The following ALG6 variants were observed in gnomAD, a reference collection of about 807,000 sequenced individuals.
The protein encoded by ALG6 is ALG6 alpha-1,3-glucosyltransferase, also known as dolichyl pyrophosphate Man9GlcNAc2 alpha-1,3-glucosyltransferase.
Under a neutral mutation model 66.6 loss-of-function variants are expected in ALG6, and 46 were observed. That is an observed-to-expected ratio of 0.69 (90% CI 0.55 to 0.88). The LOEUF (loss-of-function observed/expected upper bound fraction) is 0.88. ALG6 is among the 40% of genes least tolerant of loss of function. ALG6 has a pLI of 0.00. For missense variants in ALG6, 505 were observed against 586.8 expected (o/e 0.86, Z 1.44); for synonymous variants, 185 against 203.7 (o/e 0.91, Z 0.78).
At chr1:63,404,571 A>G (rs184889901) in intron 5 of ALG6, 30 bp downstream of exon 5, 1 of 1,603,658 alleles carries the variant, frequency 6.2e-7, no homozygotes, top group Admixed American at 1.7e-5. Context: ...TGAATATAAA[A>G]TTTGATTTTT....
intron 7 of ALG6, among the ~76,000 whole-genome samples, chr1:63,410,101 G>C (rs751471072): frequency 6.6e-5 from 10 of 152,018 alleles, no homozygotes; most frequent in Non-Finnish European, 1.3e-4. Context: ...GGGTGGATTG[G>C]CTTTTTGCTA....
chr1:63,405,887 T>G (rs955576017), intron 5 of ALG6, among the ~76,000 whole-genome samples: 4 of 152,026 alleles, frequency 2.6e-5, no homozygotes, highest in Admixed American at 6.6e-5. Flanking sequence ...GCTCTTTATA[T>G]GCATTAATTA....
rs550064444 is a variant in ALG6, at chr1:63,407,187, G to T, written c.494+61G>T. 1.5e-4 allele frequency: 177 copies of T among 1,189,630 alleles called. No individual in the cohort carries two copies. In the African/African-American group the frequency reaches 2.3e-3, roughly 15 times the overall value. The allele number at this position is 1,189,630 out of a possible 1,614,324, so 73.7% of individuals were successfully genotyped here. ...ATATTGTGAAATCTAGACTCAATGTGTACATTGCTGTCATCTAGTAATGTC... is the reference window on the plus strand; with the variant it reads ...ATATTGTGAAATCTAGACTCAATGTTTACATTGCTGTCATCTAGTAATGTC... On this transcript the variant is annotated intron_variant, in intron 7 of 14. Coordinates refer to ENST00000263440, the MANE Select transcript of ALG6 (RefSeq NM_013339.4).
intron 1 of ALG6, among the ~76,000 whole-genome samples, chr1:63,368,806 T>C (rs546545900): frequency 1.3e-5 from 2 of 152,300 alleles, no homozygotes; most frequent in Admixed American, 1.3e-4. Flanking sequence ...CAGCCCCTTT[T>C]ATGCTTTTTA....
chr1:63,432,672 A>G (rs1644652692), intron 14 of ALG6, among the ~76,000 whole-genome samples: 1 of 152,258 alleles, frequency 6.6e-6, no homozygotes, highest in African/African-American at 2.4e-5. Flanking sequence ...TATTATAATG[A>G]AAAATTAGAG....
intron 7 of ALG6, among the ~76,000 whole-genome samples, chr1:63,408,801 C>T (rs905787045): frequency 1.4e-4 from 22 of 152,094 alleles, no homozygotes; most frequent in African/African-American, 4.6e-4. Context: ...GACGGAGTTT[C>T]GGAGTTTCGC....
intron 2 of ALG6, among the ~76,000 whole-genome samples, chr1:63,383,288 A>AT (rs1175361247): frequency 2.7e-5 from 4 of 147,882 alleles, no homozygotes; most frequent in African/African-American, 7.6e-5. Flanking sequence ...TGCCTAGCTA[A>AT]TTTTTTTTGT....
chr1:63,426,692 C>T (rs1046639647), intron 12 of ALG6, among the ~76,000 whole-genome samples: 2 of 151,740 alleles, frequency 1.3e-5, no homozygotes, highest in Admixed American at 1.3e-4. Context: ...CCCAGGCGTG[C>T]GTCACCATGC....
Position 63,388,007 on chromosome 1 carries a change from A to T in ALG6, c.83-8506A>T, listed in dbSNP as rs552053732. 1.1e-3 allele frequency among the ~76,000 whole-genome samples: 164 copies of T among 152,252 alleles called. 1 individual carries two copies. The highest frequency in any genetic ancestry group is 2.2e-4 in the Non-Finnish European group (15 of 68,020). On this transcript the variant is annotated intron_variant, in intron 2 of 14. Transcript: ENST00000263440. ...ATGAAGTATGTTTCTTGTAGGCAAC[A>T]GACTGTTCAAGCGATTCTCTTGCCT...
chr1:63,401,427 A>C (rs1644464436), intron 3 of ALG6, among the ~76,000 whole-genome samples: 2 of 152,114 alleles, frequency 1.3e-5, no homozygotes, highest in South Asian at 4.1e-4. Flanking sequence ...GCACTTTGGG[A>C]GGCCGAGGAG....
chr1:63,400,480 C>G (rs1054397239), intron 3 of ALG6, among the ~76,000 whole-genome samples: 5 of 149,856 alleles, frequency 3.3e-5, no homozygotes, highest in African/African-American at 1.2e-4. Context: ...TCTTATGCCT[C>G]TTTGTTCTGC....
intron 12 of ALG6, among the ~76,000 whole-genome samples, chr1:63,422,682 A>C (rs970672969): frequency 6.6e-6 from 1 of 151,676 alleles, no homozygotes; most frequent in Non-Finnish European, 1.5e-5. Context: ...TGGGCCGGGC[A>C]CAGTGGCTCA....
chr1:63,371,146 A>C (rs1368843314), intron 2 of ALG6, 87 bp downstream of exon 2: 2 of 860,822 alleles, frequency 2.3e-6, no homozygotes, highest in South Asian at 2.8e-5. Flanking sequence ...TTTTCTGACC[A>C]GTACAGAGAA....
At chr1:63,428,467 T>G in intron 12 of ALG6, 1 of 299,472 alleles carries the variant, frequency 3.3e-6, no homozygotes, top group Non-Finnish European at 6.1e-6. Flanking sequence ...CTTGTTTGTA[T>G]GATAGAGAAA....
intron 2 of ALG6, among the ~76,000 whole-genome samples, chr1:63,381,314 C>T (rs1403646512): frequency 2.6e-5 from 4 of 152,012 alleles, no homozygotes; most frequent in African/African-American, 7.2e-5. Context: ...ATTAGCTGTG[C>T]GTGGTGGCGG....
intron 2 of ALG6, among the ~76,000 whole-genome samples, chr1:63,386,822 A>G (rs544114969): frequency 4.7e-4 from 71 of 151,876 alleles, no homozygotes; most frequent in African/African-American, 1.7e-3. Context: ...TATTTCTTCT[A>G]CTAATTTTCT....
intron 2 of ALG6, among the ~76,000 whole-genome samples, chr1:63,382,235 T>C (rs2100390244): frequency 6.6e-6 from 1 of 152,106 alleles, no homozygotes; most frequent in East Asian, 1.9e-4. Context: ...GGAGTCTTGC[T>C]GTGTCGCCCA....
chr1:63,410,479 C>T (rs1242743768), intron 7 of ALG6, among the ~76,000 whole-genome samples: 1 of 152,108 alleles, frequency 6.6e-6, no homozygotes, highest in Non-Finnish European at 1.5e-5. Context: ...TGGTCTCAAA[C>T]TCCTGGCTCA....
intron 2 of ALG6, among the ~76,000 whole-genome samples, chr1:63,373,096 C>T (rs1286279300): frequency 6.6e-6 from 1 of 152,064 alleles, no homozygotes; most frequent in Non-Finnish European, 1.5e-5. Context: ...CAGCCTCCGC[C>T]TCCTTGGTGC....
Sources: allele counts gnomAD v4.1 joint callset (sites outside exome capture counted in the v4.1 genomes callset), GRCh38; gene constraint gnomAD v4.1.1; transcripts MANE v1.5; gene names NCBI Gene and HGNC (gene_info 2026-07-23, HGNC 2026-07-21).